IFT140: variants seen among roughly 807,000 people sequenced by gnomAD.
The protein encoded by IFT140 is intraflagellar transport protein 140 homolog.
A neutral mutation model predicts 164.6 loss-of-function variants in IFT140; 133 were observed. The ratio of observed to expected loss-of-function variants is 0.81; its 90% CI spans 0.70 to 0.93. The LOEUF is 0.93. Among genes scored for constraint, IFT140 ranks in the 40% least tolerant of loss-of-function variants. The pLI, the probability that IFT140 is intolerant of heterozygous loss-of-function variation, is 0.00. For missense variants in IFT140, 2,045 were observed against 1,972.3 expected, an observed-to-expected ratio of 1.04 and a Z score of -0.70; for synonymous variants, 860 against 817.3, an observed-to-expected ratio of 1.05 and a Z score of -0.89.
chr16:1,534,231 T>C (rs1362735193), intron 19 of IFT140: 1 of 1,601,192 alleles, frequency 6.2e-7, no homozygotes, highest in Non-Finnish European at 8.5e-7. Flanking sequence ...GGCCGCGGAC[T>C]GGGACTTGGC....
At chr16:1,611,382 C>T (rs924792302) in intron 1 of IFT140, among the ~76,000 whole-genome samples, 4 of 151,824 alleles carry the variant, frequency 2.6e-5, no homozygotes, top group African/African-American at 9.7e-5. Flanking sequence ...CGCCTCTAGT[C>T]TCGGCTACAG....
intron 3 of IFT140, among the ~76,000 whole-genome samples, chr16:1,603,567 C>T (rs973970108): frequency 3.9e-5 from 6 of 152,086 alleles, no homozygotes; most frequent in Non-Finnish European, 8.8e-5. Flanking sequence ...TCACCGCAAC[C>T]TCCGCCTCCA....
chr16:1,524,379 G>A (rs1401180806), intron 24 of IFT140, 173 bp downstream of exon 24: 13 of 791,244 alleles, frequency 1.6e-5, no homozygotes, highest in African/African-American at 8.7e-5. Flanking sequence ...AGATGGAAGC[G>A]GCCAGGGGTG....
chr16:1,557,838 A>T (rs546151580), intron 19 of IFT140, 97 bp downstream of exon 19: 13 of 1,235,282 alleles, frequency 1.1e-5, no homozygotes, highest in Middle Eastern at 2.8e-4. Flanking sequence ...TGAGGAGTCA[A>T]ATATTTCAAC....
chr16:1,540,149 C>A (rs1458630252), intron 19 of IFT140, among the ~76,000 whole-genome samples: 2 of 152,218 alleles, frequency 1.3e-5, no homozygotes, highest in African/African-American at 4.8e-5. Context: ...ATCCCACACA[C>A]CACCTCAGCC....
chr16:1,517,209 G>T (rs2040382307), intron 30 of IFT140, among the ~76,000 whole-genome samples: 1 of 152,088 alleles, frequency 6.6e-6, no homozygotes, highest in East Asian at 1.9e-4. Context: ...ATCTCTACAG[G>T]CATGCTGATG....
intron 30 of IFT140, among the ~76,000 whole-genome samples, chr16:1,512,745 G>A (rs2040210198): frequency 1.3e-5 from 2 of 152,316 alleles, no homozygotes; most frequent in South Asian, 2.1e-4. Context: ...AGCTGTGATT[G>A]TGCCACCGCA....
At chr16:1,594,158 G>A (rs1421637656) in intron 4 of IFT140, among the ~76,000 whole-genome samples, 1 of 152,064 alleles carries the variant, frequency 6.6e-6, no homozygotes, top group Non-Finnish European at 1.5e-5. Flanking sequence ...CCATTACCTG[G>A]GTTTGGTGAG....
intron 16 of IFT140, 70 bp downstream of exon 16, chr16:1,566,091 C>T: frequency 6.5e-7 from 1 of 1,542,922 alleles, no homozygotes; most frequent in South Asian, 1.1e-5. Flanking sequence ...TTAGCAACAA[C>T]CCGCCCAGAA....
chr16:1,571,305 C>A, intron 14 of IFT140, 102 bp downstream of exon 14: 1 of 1,085,634 alleles, frequency 9.2e-7, no homozygotes, highest in Non-Finnish European at 1.3e-6. Flanking sequence ...TTAAAATGGG[C>A]ACCTAAGGAG....
chr16:1,594,116 C>T (rs1210578442), intron 4 of IFT140, among the ~76,000 whole-genome samples: 2 of 152,210 alleles, frequency 1.3e-5, no homozygotes, highest in African/African-American at 4.8e-5. Flanking sequence ...TTTAAGCTCT[C>T]TAGTTGGCCT....
At chr16:1,569,594 C>CCT (rs1228215113) in intron 14 of IFT140, among the ~76,000 whole-genome samples, 113 of 149,566 alleles carry the variant, frequency 7.6e-4, no homozygotes, top group African/African-American at 2.3e-3. Flanking sequence ...TTTCTCTCTC[C>CCT]CTCTCTCTCT....
At chr16:1,601,118 G>A (rs1407458406) in intron 4 of IFT140, among the ~76,000 whole-genome samples, 1 of 152,036 alleles carries the variant, frequency 6.6e-6, no homozygotes, top group African/African-American at 2.4e-5. Context: ...CCAAAAATTA[G>A]CTGGGCATGG....
At chr16:1,579,963 CAAAAA>C (rs56411833) in intron 13 of IFT140, among the ~76,000 whole-genome samples, 2 of 106,770 alleles carry the variant, frequency 1.9e-5, no homozygotes, top group Non-Finnish European at 2.0e-5. Context: ...GACTCCATCT[CAAAAA>C]AAAAAAAAAA....
intron 19 of IFT140, among the ~76,000 whole-genome samples, chr16:1,547,414 T>C (rs113026326): frequency 1.3e-5 from 2 of 152,384 alleles, no homozygotes; most frequent in African/African-American, 4.8e-5. Context: ...GCAGGGTTGA[T>C]ACTCACTGAC....
rs2036125298 is a variant in IFT140, at chr16:1,607,293, GAA to G, written c.-29_-28del. ...ACGGAACTCAGGCCTCCTCAGCGCT[GAA>G]ACCTGCAGGGAAAAAAAAATGACCA... On this transcript the variant is annotated splice_region_variant and 5_prime_UTR_variant, in exon 3 of 31. Coordinates refer to ENST00000426508, the MANE Select transcript of IFT140 (RefSeq NM_014714.4). The G allele has an allele frequency of 2.5e-6, 4 of 1,591,218 alleles. No individual in the cohort carries two copies. Among genetic ancestry groups the G allele is most frequent in the South Asian group, 1.1e-5 (1 of 87,868 alleles).
At chr16:1,603,571 GC>G (rs1421437161) in intron 3 of IFT140, among the ~76,000 whole-genome samples, 5 of 151,598 alleles carry the variant, frequency 3.3e-5, no homozygotes, top group Non-Finnish European at 7.4e-5. Context: ...CGCAACCTCC[GC>G]CTCCAAGGTT....
In IFT140 at chr16:1,564,369, G is replaced by A. The variant is rs1293922635; in HGVS notation, c.1902-207C>T. On this transcript the variant is annotated intron_variant, in intron 16 of 30. Coordinates refer to ENST00000426508, the MANE Select transcript of IFT140 (RefSeq NM_014714.4). The surrounding 1 kb of genome is among the most constrained non-coding windows in gnomAD (Gnocchi z 5.5). ...TTTAACAACTGGGCTAAGGGTCCGA[G>A]CAAAGCCCAGTTTGAAAGAACCACA... Among the ~76,000 whole-genome samples, 1 of 152,186 alleles carries A rather than the reference G, an allele frequency of 6.6e-6. No homozygotes were observed. Among genetic ancestry groups the A allele is most frequent in the Non-Finnish European group, 1.5e-5 (1 of 68,038 alleles).
intron 19 of IFT140, among the ~76,000 whole-genome samples, chr16:1,528,017 G>A (rs1274066375): frequency 6.6e-6 from 1 of 152,216 alleles, no homozygotes; most frequent in African/African-American, 2.4e-5. Context: ...GACGCTGCAT[G>A]AGAACCGTGT....
Sources: gnomAD v4.1 joint callset for allele counts (sites outside exome capture counted in the v4.1 genomes callset) on GRCh38, gnomAD v4.1.1 for gene constraint, Gnocchi (gnomAD v3.1) non-coding constraint, MANE v1.5 for transcripts, NCBI Gene and HGNC (gene_info 2026-07-23, HGNC 2026-07-21) for gene names.